The following ARHGAP6 variants were observed in gnomAD, a reference collection of about 807,000 sequenced individuals.
ARHGAP6 encodes the protein rho GTPase-activating protein 6.
In ARHGAP6, 16 loss-of-function variants were observed where a neutral mutation model predicts 55.7. The ratio of observed to expected loss-of-function variants is 0.29; its 90% confidence interval spans 0.19 to 0.44. ARHGAP6 has a LOEUF of 0.44. ARHGAP6 is among the 20% of genes least tolerant of loss of function. ARHGAP6 has a pLI of 1.00. For synonymous variants in ARHGAP6, 382 were observed against 360.9 expected (o/e 1.06, Z -0.66); for missense variants, 698 against 808.9 (o/e 0.86, Z 1.66).
chrX:11,296,749 T>C, intron 1 of ARHGAP6: 1 of 1,184,936 alleles, frequency 8.4e-7, no homozygotes, highest in Non-Finnish European at 1.1e-6. Context: ...CCTCTCTCTT[T>C]CTATTCTCCT....
chrX:11,642,756 T>C (rs899033501), intron 1 of ARHGAP6, among the ~76,000 whole-genome samples: 1 of 111,168 alleles, frequency 9.0e-6, no homozygotes, highest in African/African-American at 3.3e-5. Flanking sequence ...TCCACAGAGA[T>C]AGAAAGTAGA....
At chrX:11,462,105 C>T (rs762008502) in intron 1 of ARHGAP6, among the ~76,000 whole-genome samples, 1 of 112,370 alleles carries the variant, frequency 8.9e-6, no homozygotes, top group Non-Finnish European at 1.9e-5. Flanking sequence ...TTATGAGACA[C>T]AAAAGGAACC....
chrX:11,576,565 T>C (rs942973834), intron 1 of ARHGAP6, among the ~76,000 whole-genome samples: 104 of 112,029 alleles, frequency 9.3e-4, no homozygotes, highest in African/African-American at 3.0e-3. Flanking sequence ...CTAATTGTTA[T>C]TGAACAACTG....
chrX:11,244,827 G>A (rs1300298375), intron 2 of ARHGAP6, among the ~76,000 whole-genome samples: 1 of 111,997 alleles, frequency 8.9e-6, no homozygotes, highest in South Asian at 3.7e-4. Context: ...CAAGACATAC[G>A]AATATGTATA....
At chrX:11,250,036 T>C (rs2047403265) in intron 2 of ARHGAP6, among the ~76,000 whole-genome samples, 1 of 112,053 alleles carries the variant, frequency 8.9e-6, no homozygotes, top group Non-Finnish European at 1.9e-5. Context: ...TTTTTCCCTT[T>C]ACAAAAATAC....
chrX:11,152,086 T>G (rs1164910669), intron 10 of ARHGAP6, among the ~76,000 whole-genome samples: 2 of 112,186 alleles, frequency 1.8e-5, no homozygotes, highest in African/African-American at 6.5e-5. Context: ...ACTAAGAGCA[T>G]AATTCTGTAT....
chrX:11,407,363 T>C (rs1314671847), intron 1 of ARHGAP6, among the ~76,000 whole-genome samples: 2 of 112,659 alleles, frequency 1.8e-5, no homozygotes, highest in Middle Eastern at 4.2e-3. Context: ...TATTCTCTTG[T>C]ATGGTTGACC....
At chrX:11,441,855 A>T (rs1197972097) in intron 1 of ARHGAP6, among the ~76,000 whole-genome samples, 2 of 108,340 alleles carry the variant, frequency 1.8e-5, no homozygotes, top group Non-Finnish European at 3.8e-5. Flanking sequence ...CCTTCTCATC[A>T]CTTGCCAGGT....
At chrX:11,408,898 C>G (rs948982062) in intron 1 of ARHGAP6, among the ~76,000 whole-genome samples, 29 of 109,866 alleles carry the variant, frequency 2.6e-4, no homozygotes, top group Non-Finnish European at 4.9e-4. Flanking sequence ...TCATCACACA[C>G]ACACACACAT....
chrX:11,273,549 G>A (rs1172963939), intron 1 of ARHGAP6, among the ~76,000 whole-genome samples: 1 of 111,177 alleles, frequency 9.0e-6, no homozygotes, highest in Non-Finnish European at 1.9e-5. Flanking sequence ...CTAACAACAT[G>A]TTCCCATGTC....
At chrX:11,574,086 G>T (rs1218161047) in intron 1 of ARHGAP6, among the ~76,000 whole-genome samples, 1 of 110,935 alleles carries the variant, frequency 9.0e-6, no homozygotes, top group Non-Finnish European at 1.9e-5. Flanking sequence ...ATAATCAACA[G>T]CTTACCAACC....
At chrX:11,433,942 G>A (rs926030002) in intron 1 of ARHGAP6, among the ~76,000 whole-genome samples, 4 of 112,326 alleles carry the variant, frequency 3.6e-5, no homozygotes, top group African/African-American at 1.3e-4. Context: ...TTTCAAGGTG[G>A]AGATTCTTTT....
rs183426553 is a variant in ARHGAP6 at position 11,204,134 on chromosome X, T to G, written c.749-7138A>C. On this transcript the variant is annotated intron_variant, in intron 2 of 12. Transcript: ENST00000337414. ...GCATCCTCTGGTCTGACTCTGAATC[T>G]TTTTACAATTGAGAACTGAAACTAT... Among the ~76,000 whole-genome samples, 6 of 112,456 alleles carry G rather than the reference T, an allele frequency of 5.3e-5. No individual in the cohort carries two copies. The East Asian group carries it at 1.4e-3, about 26-fold the overall frequency.
intron 2 of ARHGAP6, among the ~76,000 whole-genome samples, chrX:11,208,652 T>C (rs1335172016): frequency 8.9e-6 from 1 of 112,012 alleles, no homozygotes; most frequent in Non-Finnish European, 1.9e-5. Flanking sequence ...CTTTGAGTTA[T>C]GCTAGATAGT....
At chrX:11,417,097 T>C (rs866171839) in intron 1 of ARHGAP6, among the ~76,000 whole-genome samples, 6 of 68,102 alleles carry the variant, frequency 8.8e-5, no homozygotes, top group South Asian at 8.6e-4. Flanking sequence ...TATATATATA[T>C]ATATATATAC....
intron 6 of ARHGAP6, 83 bp from the exon 7 acceptor site, chrX:11,179,535 G>A (rs765600134): frequency 1.2e-4 from 131 of 1,082,761 alleles, no homozygotes; most frequent in Middle Eastern, 7.2e-4. Context: ...GCTGTGACAC[G>A]TAGCATCTGG....
At chrX:11,539,519 G>A (rs2051135902) in intron 1 of ARHGAP6, among the ~76,000 whole-genome samples, 2 of 111,875 alleles carry the variant, frequency 1.8e-5, no homozygotes, top group South Asian at 7.5e-4. Flanking sequence ...TGCCTACCCT[G>A]CTGAATGACA....
Position 11,397,501 on chromosome X carries a change from C to T in ARHGAP6, c.589-142794G>A, listed in dbSNP as rs762974047. Among the ~76,000 whole-genome samples the T allele has an allele frequency of 3.6e-5, 4 of 110,441 alleles. No homozygotes were observed. The South Asian group carries it at 1.6e-3, about 43-fold the overall frequency. ...TGTATAATGTATGGTATAGATAATC[C>T]ATTATATATACCATCAAACAGGTAG... is the stretch of plus-strand genomic sequence containing the variant. On this transcript the variant is annotated intron_variant, in intron 1 of 12. Transcript: ENST00000337414.
chrX:11,337,001 G>T (rs1237108106), intron 1 of ARHGAP6, among the ~76,000 whole-genome samples: 1 of 111,007 alleles, frequency 9.0e-6, no homozygotes, highest in Non-Finnish European at 1.9e-5. Flanking sequence ...TCTTTCAAGA[G>T]GTAAGAGACA....
Sources: gnomAD v4.1 joint callset for allele counts (sites outside exome capture counted in the v4.1 genomes callset) on GRCh38, gnomAD v4.1.1 for gene constraint, MANE v1.5 for transcripts, NCBI Gene and HGNC (gene_info 2026-07-23, HGNC 2026-07-21) for gene names.